The following WDR43 variants were observed in gnomAD, a reference collection of about 807,000 sequenced individuals.
WDR43 encodes the protein WD repeat-containing protein 43.
Under a neutral mutation model 91.4 loss-of-function variants are expected in WDR43, and 13 were observed. The observed-to-expected ratio is 0.14, with a 90% confidence interval of 0.09 to 0.23. The LOEUF is 0.23. WDR43 is among the 10% of genes least tolerant of loss of function. WDR43 has a pLI of 1.00. For synonymous variants in WDR43, 331 were observed against 287.9 expected (o/e 1.15, Z -1.51); for missense variants, 780 against 809.4 (o/e 0.96, Z 0.44).
intron 11 of WDR43, 39 bp from the exon 12 acceptor site, chr2:28,935,482 C>A: frequency 7.1e-7 from 1 of 1,401,198 alleles, no homozygotes; most frequent in Non-Finnish European, 9.8e-7. Flanking sequence ...CTTGGTTTGT[C>A]AGTATGCTCA....
chr2:28,915,657 G>C (rs1488029786), intron 5 of WDR43, among the ~76,000 whole-genome samples: 2 of 152,192 alleles, frequency 1.3e-5, no homozygotes, highest in East Asian at 3.8e-4. Flanking sequence ...AATTTGCATG[G>C]GGATAGGTAG....
intron 5 of WDR43, among the ~76,000 whole-genome samples, chr2:28,915,122 T>C (rs1384835604): frequency 6.6e-6 from 1 of 152,168 alleles, no homozygotes; most frequent in East Asian, 1.9e-4. Flanking sequence ...TTATACAAGA[T>C]AATACTCATT....
chr2:28,928,916 C>G (rs927034255), intron 10 of WDR43, among the ~76,000 whole-genome samples: 2 of 152,106 alleles, frequency 1.3e-5, no homozygotes, highest in African/African-American at 4.8e-5. Flanking sequence ...CTCAAGTGAT[C>G]CGCCTGCCTC....
intron 16 of WDR43, among the ~76,000 whole-genome samples, chr2:28,945,388 G>A (rs578121887): frequency 6.6e-6 from 1 of 152,182 alleles, no homozygotes; most frequent in African/African-American, 2.4e-5. Context: ...AACTAGACTC[G>A]AGTTTTGCAT....
chr2:28,942,623 T>C (rs1437161010), intron 16 of WDR43, among the ~76,000 whole-genome samples: 1 of 150,680 alleles, frequency 6.6e-6, no homozygotes, highest in African/African-American at 2.4e-5. Flanking sequence ...TCTTTTCTTT[T>C]TTTTTTTTTT....
chr2:28,939,687 A>G (rs1671398231), intron 14 of WDR43, among the ~76,000 whole-genome samples: 1 of 152,210 alleles, frequency 6.6e-6, no homozygotes, highest in Non-Finnish European at 1.5e-5. Context: ...GATAAATTGG[A>G]ATGCAATGAC....
chr2:28,937,206 T>G (rs930632766), intron 13 of WDR43, among the ~76,000 whole-genome samples: 1 of 152,208 alleles, frequency 6.6e-6, no homozygotes, highest in African/African-American at 2.4e-5. Flanking sequence ...TAACTTAGTG[T>G]TGATATCGTA....
At chr2:28,920,869 G>T (rs1368140874) in intron 6 of WDR43, among the ~76,000 whole-genome samples, 3 of 151,770 alleles carry the variant, frequency 2.0e-5, no homozygotes, top group Admixed American at 6.6e-5. Flanking sequence ...CAGAGATGGG[G>T]TTTCACCATG....
intron 11 of WDR43, among the ~76,000 whole-genome samples, chr2:28,932,023 G>C (rs573448501): frequency 1.3e-5 from 2 of 151,994 alleles, no homozygotes; most frequent in African/African-American, 2.4e-5. Flanking sequence ...CTGCAGGCAC[G>C]CATCACCATA....
At chr2:28,927,728 T>C (rs1671169788) in intron 10 of WDR43, 28 bp downstream of exon 10, 1 of 1,609,016 alleles carries the variant, frequency 6.2e-7, no homozygotes, top group East Asian at 2.2e-5. Flanking sequence ...ACCATATATT[T>C]GAGTTTGTGA....
At chr2:28,910,695 A>ATATATATATAT (rs59028991) in intron 3 of WDR43, among the ~76,000 whole-genome samples, 1 of 146,546 alleles carries the variant, frequency 6.8e-6, no homozygotes, top group Admixed American at 6.9e-5. Flanking sequence ...ATATATATAT[A>ATATATATATAT]ATTATTATTT....
Position 28,932,954 on chromosome 2 carries a change from C to A in WDR43, c.1438-2567C>A, listed in dbSNP as rs1011314009. Reference sequence around the variant, plus strand: ...TCTAAAACAGGTAACTGTCTCTACACTGAAAATTATAACAGTTGAGAGAAG... The same window carrying A: ...TCTAAAACAGGTAACTGTCTCTACAATGAAAATTATAACAGTTGAGAGAAG... On this transcript the variant is annotated intron_variant, in intron 11 of 17. Coordinates refer to ENST00000407426, the MANE Select transcript of WDR43 (RefSeq NM_015131.3). 3.3e-5 allele frequency among the ~76,000 whole-genome samples: 5 copies of A among 152,152 alleles called. No individual in the cohort carries two copies. The South Asian group carries it at 1.0e-3, about 31-fold the overall frequency.
chr2:28,935,733 G>T, intron 12 of WDR43, 126 bp downstream of exon 12: 1 of 357,994 alleles, frequency 2.8e-6, no homozygotes, highest in Admixed American at 5.5e-5. Flanking sequence ...ATGGATGGAG[G>T]AAAGTACTTT....
intron 3 of WDR43, among the ~76,000 whole-genome samples, chr2:28,911,394 C>A (rs561691707): frequency 6.6e-6 from 1 of 151,322 alleles, no homozygotes; most frequent in South Asian, 2.1e-4. Flanking sequence ...CCCAGGTTCA[C>A]GCCATTCTCC....
chr2:28,921,424 C>A (rs998140271), intron 6 of WDR43, among the ~76,000 whole-genome samples: 1 of 152,064 alleles, frequency 6.6e-6, no homozygotes, highest in African/African-American at 2.4e-5. Flanking sequence ...CTGTGCCCAG[C>A]CTTTTAAATG....
intron 1 of WDR43, among the ~76,000 whole-genome samples, chr2:28,899,827 A>G (rs898108616): frequency 6.6e-6 from 1 of 152,160 alleles, no homozygotes; most frequent in East Asian, 1.9e-4. Flanking sequence ...AGACCATCCA[A>G]CCTGAAAAAT....
Position 28,903,548 on chromosome 2 carries a change from T to G in WDR43, c.363+1424T>G, listed in dbSNP as rs374484832. On this transcript the variant is annotated intron_variant, in intron 2 of 17. Coordinates refer to ENST00000407426, the MANE Select transcript of WDR43 (RefSeq NM_015131.3). ...AGTTTGCATTTAGGAATGTATTACTTGTTTTTATATTAAGATTACAAAAAT... is the reference window on the plus strand; with the variant it reads ...AGTTTGCATTTAGGAATGTATTACTGGTTTTTATATTAAGATTACAAAAAT... Among the ~76,000 whole-genome samples the G allele has an allele frequency of 2.0e-4, 30 of 152,332 alleles. 1 individual carries two copies. The East Asian group carries it at 2.3e-3, about 12-fold the overall frequency.
intron 6 of WDR43, 105 bp from the exon 7 acceptor site, chr2:28,922,814 T>TTTTTG: frequency 2.1e-6 from 1 of 472,706 alleles, no homozygotes; most frequent in South Asian, 7.3e-5. Flanking sequence ...TTTTTTTTTT[T>TTTTTG]CTGGTTGTGT....
intron 1 of WDR43, among the ~76,000 whole-genome samples, chr2:28,898,618 G>T (rs909322071): frequency 3.9e-5 from 6 of 152,036 alleles, no homozygotes; most frequent in African/African-American, 1.4e-4. Flanking sequence ...ACTTTTTGGT[G>T]TCTAGAGTTC....
Sources: allele counts gnomAD v4.1 joint callset (sites outside exome capture counted in the v4.1 genomes callset), GRCh38; gene constraint gnomAD v4.1.1; transcripts MANE v1.5; gene names NCBI Gene and HGNC (gene_info 2026-07-23, HGNC 2026-07-21).